Variants in ACOT12 observed in about 807,000 individuals in gnomAD.
The protein encoded by ACOT12 is acetyl-coenzyme A thioesterase.
In ACOT12, 51 loss-of-function variants were observed where a neutral mutation model predicts 67.7. The observed-to-expected ratio is 0.75, with a 90% confidence interval of 0.60 to 0.95. The LOEUF is 0.95. Among genes scored for constraint, ACOT12 ranks in the 40% least tolerant of loss-of-function variants. The pLI, the probability that ACOT12 is intolerant of heterozygous loss-of-function variation, is 0.00. For synonymous variants in ACOT12, 251 were observed against 244.6 expected (o/e 1.03, Z -0.24); for missense variants, 734 against 708.1 (o/e 1.04, Z -0.41).
intron 8 of ACOT12, among the ~76,000 whole-genome samples, chr5:81,344,660 C>T (rs1013254861): frequency 6.6e-6 from 1 of 152,138 alleles, no homozygotes; most frequent in African/African-American, 2.4e-5. Flanking sequence ...CTACCCACAG[C>T]AGTGTGTAGC....
rs540246240 is a variant in ACOT12, at chr5:81,392,005, C to T, written c.127+1983G>A. Among the ~76,000 whole-genome samples the T allele has an allele frequency of 2.4e-4, 36 of 152,160 alleles. 1 individual carries two copies. In the South Asian group the frequency reaches 6.4e-3, roughly 27 times the overall value. On this transcript the variant is annotated intron_variant, in intron 1 of 14. Coordinates refer to ENST00000307624, the MANE Select transcript of ACOT12 (RefSeq NM_130767.3). ...GAGATGTTCCAAAATAATACATGGA[C>T]GTGTGAGATAGAGGATTACTCAGAT...
the ACOT12 span, among the ~76,000 whole-genome samples, chr5:81,314,262 A>G: frequency 1.1e-4 from 17 of 151,552 alleles, no homozygotes; most frequent in African/African-American, 3.9e-4. Flanking sequence ...GCACCACCAC[A>G]CCCCGCTAAT....
chr5:81,386,349 T>A (rs1434797743), intron 1 of ACOT12, among the ~76,000 whole-genome samples: 1 of 152,212 alleles, frequency 6.6e-6, no homozygotes, highest in Non-Finnish European at 1.5e-5. Flanking sequence ...ACACAGTAGA[T>A]ATTTAGTCAA....
At chr5:81,308,943 C>T in the ACOT12 span, 1 of 1,611,702 alleles carries the variant, frequency 6.2e-7, no homozygotes, top group Non-Finnish European at 8.5e-7. Flanking sequence ...TTGATTTTTA[C>T]AGGCGAATTT....
intron 1 of ACOT12, among the ~76,000 whole-genome samples, chr5:81,393,718 C>A (rs1267574066): frequency 6.9e-6 from 1 of 145,132 alleles, no homozygotes; most frequent in East Asian, 2.0e-4. Context: ...ACAACAACAA[C>A]AAACAAACAA....
At chr5:81,336,313 C>T (rs1384833568) in intron 11 of ACOT12, among the ~76,000 whole-genome samples, 1 of 152,144 alleles carries the variant, frequency 6.6e-6, no homozygotes, top group Non-Finnish European at 1.5e-5. Flanking sequence ...AAGGCTATAG[C>T]TTAGGACACT....
intron 11 of ACOT12, among the ~76,000 whole-genome samples, chr5:81,337,744 G>C (rs1759048837): frequency 6.6e-6 from 1 of 152,188 alleles, no homozygotes; most frequent in Non-Finnish European, 1.5e-5. Flanking sequence ...CAGACTACCA[G>C]CTTCCAGAAT....
At position 81,330,478 on chromosome 5, in the gene ACOT12, C is replaced by T; in HGVS notation, c.1584G>A (p.Trp528Ter). The T allele has an allele frequency of 6.2e-7, 1 of 1,614,062 alleles. No homozygotes were observed. The highest frequency in any genetic ancestry group is 2.2e-5 in the East Asian group (1 of 44,876). The change falls in exon 15 of 15, where the codon TGG (tryptophan) becomes TGA (stop). Residue 528 changes from tryptophan to a stop codon, truncating the protein, a stop_gained. Transcript: ENST00000307624. LOFTEE classifies it high-confidence loss of function. ...LPYFAGNLGG[W>*]SKSIEETAAS... ...CTGCTGTTTCTTCAATGGATTTTGACCAGCCACCAAGATTTCCAGCAAAGT... is the reference window on the plus strand; with the variant it reads ...CTGCTGTTTCTTCAATGGATTTTGATCAGCCACCAAGATTTCCAGCAAAGT...
At chr5:81,313,610 A>G in the ACOT12 span, among the ~76,000 whole-genome samples, 1 of 152,186 alleles carries the variant, frequency 6.6e-6, no homozygotes, top group Non-Finnish European at 1.5e-5. Context: ...GCTTAACACT[A>G]CCATTGTACT....
intron 14 of ACOT12, 62 bp from the exon 15 acceptor site, chr5:81,330,605 G>C (rs1260969162): frequency 1.3e-6 from 2 of 1,576,186 alleles, no homozygotes; most frequent in African/African-American, 2.7e-5. Context: ...TTTCAAGAAA[G>C]GATCTGAGTC....
the ACOT12 span, among the ~76,000 whole-genome samples, chr5:81,315,630 A>ATT: frequency 6.6e-6 from 1 of 152,334 alleles, no homozygotes; most frequent in South Asian, 2.1e-4. Flanking sequence ...TAGCTCTTAG[A>ATT]TTGGATAATC....
At chr5:81,350,105 G>T (rs1197224594) in intron 5 of ACOT12, among the ~76,000 whole-genome samples, 2 of 152,000 alleles carry the variant, frequency 1.3e-5, no homozygotes, top group African/African-American at 4.8e-5. Flanking sequence ...CTCATTTCCG[G>T]AGAATTTTTT....
At chr5:81,323,510 C>G in the ACOT12 span, among the ~76,000 whole-genome samples, 1 of 152,184 alleles carries the variant, frequency 6.6e-6, no homozygotes, top group Non-Finnish European at 1.5e-5. Context: ...ACTTTTCAAG[C>G]CTTTGATTGC....
chr5:81,322,295 A>G, the ACOT12 span, among the ~76,000 whole-genome samples: 1 of 152,180 alleles, frequency 6.6e-6, no homozygotes, highest in Non-Finnish European at 1.5e-5. Flanking sequence ...TACATTACCT[A>G]CAAAGAAAAA....
At chr5:81,381,143 T>C (rs1248029289) in intron 2 of ACOT12, among the ~76,000 whole-genome samples, 3 of 152,072 alleles carry the variant, frequency 2.0e-5, no homozygotes, top group Non-Finnish European at 4.4e-5. Flanking sequence ...CTTGGCTCAC[T>C]GCAACCTCCG....
the ACOT12 span, among the ~76,000 whole-genome samples, chr5:81,321,098 A>G: frequency 7.2e-5 from 11 of 152,100 alleles, no homozygotes; most frequent in Admixed American, 5.9e-4. Context: ...TCTACAAAAA[A>G]TACAAAATTC....
chr5:81,316,079 G>A, the ACOT12 span, among the ~76,000 whole-genome samples: 4 of 152,224 alleles, frequency 2.6e-5, no homozygotes, highest in Admixed American at 2.6e-4. Context: ...AAGTCAGAGA[G>A]GTGGTGGGGG....
rs181676658 is a variant in ACOT12 at position 81,363,745 on chromosome 5, C to T, written c.360+43G>A. 7.6e-6 allele frequency: 11 copies of T among 1,441,966 alleles called. No homozygotes were observed. The East Asian group carries it at 2.3e-4, about 31-fold the overall frequency. The allele number at this position is 1,441,966 out of a possible 1,614,324, so 89.3% of individuals were successfully genotyped here. A position where few individuals can be genotyped will look rare whatever the true frequency, so the allele number is the denominator to read the frequency against. ...CATTCTGATGCAATTGTTACTATGT[C>T]CCTGAATTACATGCTAGATACATCT... On this transcript the variant is annotated intron_variant, in intron 4 of 14. Coordinates refer to ENST00000307624, the MANE Select transcript of ACOT12 (RefSeq NM_130767.3).
rs184687976 is a variant in ACOT12 at position 81,379,473 on chromosome 5, G to A, written c.197+6284C>T. Among the ~76,000 whole-genome samples, 62 of 151,736 alleles carry A rather than the reference G, an allele frequency of 4.1e-4. No individual in the cohort carries two copies. The East Asian group carries it at 0.011, about 26-fold the overall frequency. ...CTGCACATGTACCCCAGAACTTAAA[G>A]TACAATAATAATAAAAAAAAAAGCA... On this transcript the variant is annotated intron_variant, in intron 2 of 14. Transcript: ENST00000307624.
Sources: allele counts gnomAD v4.1 joint callset (sites outside exome capture counted in the v4.1 genomes callset), GRCh38; gene constraint gnomAD v4.1.1; transcripts MANE v1.5; gene names NCBI Gene and HGNC (gene_info 2026-07-23, HGNC 2026-07-21).